MTHFD2L: variants seen among roughly 807,000 people sequenced by gnomAD.
MTHFD2L encodes the protein methylenetetrahydrofolate dehydrogenase (NADP+ dependent) 2 like, also known as bifunctional methylenetetrahydrofolate dehydrogenase/cyclohydrolase 2, mitochondrial.
A neutral mutation model predicts 34.9 loss-of-function variants in MTHFD2L; 29 were observed. That is an observed-to-expected ratio of 0.83 (90% CI 0.62 to 1.13). The LOEUF (loss-of-function observed/expected upper bound fraction) is 1.13, where lower values mean the gene tolerates loss of function less well. Ranked by LOEUF, MTHFD2L falls within the 50% of genes most tolerant of loss-of-function variation. The pLI is 0.00. For missense variants in MTHFD2L, 481 were observed against 446.5 expected (o/e 1.08, Z -0.70); for synonymous variants, 167 against 155.7 (o/e 1.07, Z -0.54).
Position 74,175,781 on chromosome 4 carries a change from T to C in MTHFD2L, c.451+378T>C, listed in dbSNP as rs183325999. Among the ~76,000 whole-genome samples the C allele has an allele frequency of 7.5e-4, 114 of 152,188 alleles. 2 individuals carry two copies. Among genetic ancestry groups the C allele is most frequent in the Admixed American group, 7.3e-3 (111 of 15,260 alleles). On this transcript the variant is annotated intron_variant, in intron 3 of 7. Coordinates refer to ENST00000325278, the MANE Select transcript of MTHFD2L (RefSeq NM_001144978.3). The stretch of plus-strand genomic sequence containing the variant: ...ACTCTCCTACTGTGGTTCATAAATG[T>C]ATAGGGAAATGAATAATTAGTAAAA...
chr4:74,270,507 T>C (rs1052797546), intron 6 of MTHFD2L, among the ~76,000 whole-genome samples: 1 of 152,204 alleles, frequency 6.6e-6, no homozygotes, highest in Non-Finnish European at 1.5e-5. Flanking sequence ...AACTCATCAT[T>C]TTTTATGGCT....
chr4:74,217,720 T>G (rs1737431982), intron 5 of MTHFD2L, among the ~76,000 whole-genome samples: 1 of 151,860 alleles, frequency 6.6e-6, no homozygotes, highest in African/African-American at 2.4e-5. Context: ...ATTTTGTGTT[T>G]CTGTTGAAGA....
chr4:74,182,532 G>A (rs1190205913), intron 3 of MTHFD2L, among the ~76,000 whole-genome samples: 1 of 152,148 alleles, frequency 6.6e-6, no homozygotes, highest in Non-Finnish European at 1.5e-5. Context: ...ACATACAAGG[G>A]CTGAGTTCTT....
At chr4:74,223,224 G>C (rs1016172516) in intron 5 of MTHFD2L, among the ~76,000 whole-genome samples, 1 of 151,624 alleles carries the variant, frequency 6.6e-6, no homozygotes, top group Non-Finnish European at 1.5e-5. Context: ...TGGTGTGTGT[G>C]TGTATATATA....
At chr4:74,157,995 C>A, upstream of MTHFD2L, 1 of 1,267,810 alleles carries the variant, frequency 7.9e-7, no homozygotes. Flanking sequence ...CTCTTTACCC[C>A]ACTCTGCGTG....
intron 7 of MTHFD2L, among the ~76,000 whole-genome samples, chr4:74,292,101 G>A (rs535105848): frequency 1.3e-5 from 2 of 152,242 alleles, no homozygotes; most frequent in Admixed American, 1.3e-4. Context: ...AGCATTTCAC[G>A]AAACAGGTAG....
At chr4:74,207,127 T>C (rs1331300228) in intron 5 of MTHFD2L, among the ~76,000 whole-genome samples, 1 of 151,968 alleles carries the variant, frequency 6.6e-6, no homozygotes, top group South Asian at 2.1e-4. Flanking sequence ...CTCGAACTCC[T>C]GAGCTCAAGC....
intron 1 of MTHFD2L, among the ~76,000 whole-genome samples, chr4:74,163,776 A>G (rs992647610): frequency 3.9e-5 from 6 of 152,250 alleles, no homozygotes; most frequent in Admixed American, 3.9e-4. Context: ...CATCGAAGAT[A>G]TGCCCTAAGA....
Position 74,263,888 on chromosome 4 carries a change from A to C in MTHFD2L, c.806-17537A>C, listed in dbSNP as rs76547137. On this transcript the variant is annotated intron_variant, in intron 6 of 7. Coordinates refer to ENST00000325278, the MANE Select transcript of MTHFD2L (RefSeq NM_001144978.3). ...CAAATAAGGTTTATCCCAGAAATCT[A>C]AGATTAGTCTAACCTTTGAAAATCT... 3.8e-3 allele frequency among the ~76,000 whole-genome samples: 576 copies of C among 152,188 alleles called. 5 individuals are homozygous for C. The highest frequency in any genetic ancestry group is 0.013 in the African/African-American group (547 of 41,566).
chr4:74,248,947 T>C (rs1262678902), intron 6 of MTHFD2L, among the ~76,000 whole-genome samples: 1 of 150,934 alleles, frequency 6.6e-6, no homozygotes, highest in African/African-American at 2.4e-5. Flanking sequence ...CTGAAAAAAA[T>C]GTATATTCTG....
chr4:74,225,475 T>G, intron 6 of MTHFD2L, 81 bp downstream of exon 6: 1 of 1,150,462 alleles, frequency 8.7e-7, no homozygotes, highest in Non-Finnish European at 1.3e-6. Context: ...GTTTGAAAGC[T>G]TTTTGAGAGA....
intron 3 of MTHFD2L, among the ~76,000 whole-genome samples, chr4:74,197,196 T>C (rs1244876281): frequency 6.6e-6 from 1 of 152,202 alleles, no homozygotes; most frequent in African/African-American, 2.4e-5. Flanking sequence ...TTTACCAATG[T>C]ATCCTGTGAA....
chr4:74,296,622 C>G (rs776592183), intron 7 of MTHFD2L, among the ~76,000 whole-genome samples: 1 of 152,040 alleles, frequency 6.6e-6, no homozygotes, highest in Non-Finnish European at 1.5e-5. Flanking sequence ...GAATTCCAAC[C>G]AGATTTTAAA....
chr4:74,121,521 A>G (rs1017689342), upstream of MTHFD2L, among the ~76,000 whole-genome samples: 2 of 150,084 alleles, frequency 1.3e-5, no homozygotes, highest in Middle Eastern at 3.5e-3. Context: ...ACATGGGACT[A>G]TCTAGTTGCA....
intron 6 of MTHFD2L, among the ~76,000 whole-genome samples, chr4:74,271,542 G>A (rs1440092699): frequency 6.6e-6 from 1 of 152,098 alleles, no homozygotes; most frequent in Non-Finnish European, 1.5e-5. Flanking sequence ...CTCTATTTTG[G>A]TACCAGTACC....
At chr4:74,296,212 G>T (rs1043586456) in intron 7 of MTHFD2L, among the ~76,000 whole-genome samples, 35 of 152,096 alleles carry the variant, frequency 2.3e-4, no homozygotes, top group Non-Finnish European at 4.4e-4. Context: ...GACCTTGATT[G>T]CCATAACAAA....
At chr4:74,196,051 A>T (rs1733414720) in intron 3 of MTHFD2L, among the ~76,000 whole-genome samples, 3 of 152,070 alleles carry the variant, frequency 2.0e-5, no homozygotes, top group Admixed American at 1.3e-4. Context: ...ATCAACTGAG[A>T]TGGAGTAGTT....
intron 6 of MTHFD2L, among the ~76,000 whole-genome samples, chr4:74,258,258 C>G (rs1744269248): frequency 6.6e-6 from 1 of 152,088 alleles, no homozygotes; most frequent in Non-Finnish European, 1.5e-5. Flanking sequence ...AAATCAGTAT[C>G]TTGAAGAGAT....
In MTHFD2L at chr4:74,302,680, A is replaced by G. The variant is rs556234555; in HGVS notation, c.*871A>G. The G allele has an allele frequency of 6.6e-6, 1 of 152,284 alleles. No homozygotes were observed. Among genetic ancestry groups the G allele is most frequent in the South Asian group, 2.1e-4 (1 of 4,820 alleles). 9.4% of individuals were successfully genotyped at this position (152,284 alleles called of 1,614,324 possible). ...ACAAATATAGTATGAATGAGGTCATATTAAAGAACAGCAACTGTTAATGTT... is the reference window on the plus strand; with the variant it reads ...ACAAATATAGTATGAATGAGGTCATGTTAAAGAACAGCAACTGTTAATGTT... On this transcript the variant is annotated 3_prime_UTR_variant, in exon 8 of 8. Coordinates refer to ENST00000325278, the MANE Select transcript of MTHFD2L (RefSeq NM_001144978.3).
Sources: allele counts gnomAD v4.1 joint callset (sites outside exome capture counted in the v4.1 genomes callset), GRCh38; gene constraint gnomAD v4.1.1; transcripts MANE v1.5; gene names NCBI Gene and HGNC (gene_info 2026-07-23, HGNC 2026-07-21).